CACNA1A: variants seen among roughly 807,000 people sequenced by gnomAD.
The protein encoded by CACNA1A is calcium voltage-gated channel subunit alpha1 A.
Under a neutral mutation model 262.4 loss-of-function variants are expected in CACNA1A, and 57 were observed. The ratio of observed to expected loss-of-function variants is 0.22; its 90% CI spans 0.18 to 0.27. The LOEUF (loss-of-function observed/expected upper bound fraction) is 0.27. Ranked by LOEUF, CACNA1A falls within the 10% of genes least tolerant of loss-of-function variation. CACNA1A has a pLI of 1.00. For missense variants in CACNA1A, 2,526 were observed against 3,562.8 expected, an observed-to-expected ratio of 0.71 and a Z score of 7.41; for synonymous variants, 1,431 against 1,419.3, an observed-to-expected ratio of 1.01 and a Z score of -0.18.
At chr19:13,334,072 T>C (rs2058514728) in intron 8 of CACNA1A, 1 of 302,578 alleles carries the variant, frequency 3.3e-6, no homozygotes, top group Non-Finnish European at 6.2e-6. Flanking sequence ...ATCGCCTCCA[T>C]GTAACAGCTG....
At chr19:13,337,309 C>A (rs940585241) in intron 6 of CACNA1A, among the ~76,000 whole-genome samples, 10 of 152,176 alleles carry the variant, frequency 6.6e-5, no homozygotes, top group Non-Finnish European at 1.3e-4. Flanking sequence ...TGTTTTATGC[C>A]TCTCTCCTAG....
chr19:13,394,581 T>C (rs1452431897), intron 3 of CACNA1A, among the ~76,000 whole-genome samples: 1 of 152,206 alleles, frequency 6.6e-6, no homozygotes, highest in Non-Finnish European at 1.5e-5. Flanking sequence ...GCTTCTTCTC[T>C]TGAACAATTT....
At chr19:13,338,455 C>T (rs59386557) in intron 6 of CACNA1A, among the ~76,000 whole-genome samples, 5,229 of 152,144 alleles carry the variant, frequency 0.034, 291 homozygotes, top group African/African-American at 0.12. Context: ...TGAATAATTA[C>T]ACAACAGAAA....
At chr19:13,403,822 G>A (rs1404440593) in intron 3 of CACNA1A, among the ~76,000 whole-genome samples, 1 of 152,138 alleles carries the variant, frequency 6.6e-6, no homozygotes, top group Non-Finnish European at 1.5e-5. Context: ...GCTGGGCATG[G>A]TGGTATGCAC....
Position 13,241,740 on chromosome 19 carries a change from T to G in CACNA1A, c.4950+3442A>C, listed in dbSNP as rs1210022696. Among the ~76,000 whole-genome samples the G allele has an allele frequency of 6.6e-6, 1 of 152,176 alleles. No homozygotes were observed. The highest frequency in any genetic ancestry group is 6.5e-5 in the Admixed American group (1 of 15,270). On this transcript the variant is annotated intron_variant, in intron 31 of 46. Coordinates refer to ENST00000360228, the MANE Select transcript of CACNA1A (RefSeq NM_001127222.2). The surrounding 1 kb of genome is among the most constrained non-coding windows in gnomAD (Gnocchi z 4.0). Reference sequence around the variant, plus strand: ...CATGTCATGGATGAACAAATGAATTTCATAGTGCATTTTGATTGGATGAGT... The same window carrying G: ...CATGTCATGGATGAACAAATGAATTGCATAGTGCATTTTGATTGGATGAGT...
At chr19:13,224,552 A>G in intron 38 of CACNA1A, 115 bp downstream of exon 38, 1 of 709,174 alleles carries the variant, frequency 1.4e-6, no homozygotes. Context: ...GAATGAATGG[A>G]AGAGTGAATG....
At chr19:13,501,418 C>T (rs1487675620) in intron 1 of CACNA1A, among the ~76,000 whole-genome samples, 6 of 152,082 alleles carry the variant, frequency 3.9e-5, no homozygotes, top group African/African-American at 1.4e-4. Context: ...TCATGATCCA[C>T]CGGCCTCAGC....
chr19:13,225,055 G>T, intron 37 of CACNA1A: 1 of 353,926 alleles, frequency 2.8e-6, no homozygotes, highest in Non-Finnish European at 5.3e-6. Context: ...CTCAACCCTT[G>T]CCCCACCCCC....
chr19:13,422,728 T>C (rs768860585), intron 3 of CACNA1A, among the ~76,000 whole-genome samples: 40 of 152,054 alleles, frequency 2.6e-4, no homozygotes, highest in South Asian at 1.5e-3. Flanking sequence ...GTCACATGGG[T>C]GCTCCATGTC....
At chr19:13,330,029 C>A (rs1049623166) in intron 10 of CACNA1A, among the ~76,000 whole-genome samples, 5 of 152,168 alleles carry the variant, frequency 3.3e-5, no homozygotes, top group African/African-American at 1.2e-4. Flanking sequence ...TCATGGGGAT[C>A]ATTTAGTTGA....
Position 13,328,128 on chromosome 19 carries a change from C to T in CACNA1A, c.1345+2116G>A, listed in dbSNP as rs148409428. 8.1e-3 allele frequency among the ~76,000 whole-genome samples: 1,226 copies of T among 152,194 alleles called. 9 individuals carry two copies. The highest frequency in any genetic ancestry group is 0.031 in the Middle Eastern group (9 of 292). ...TTATGTTGCCCAGGCTGGTCTTGAA[C>T]GGCTGATCTTAGGAGATCCTCCTGC... On this transcript the variant is annotated intron_variant, in intron 10 of 46. Coordinates refer to ENST00000360228, the MANE Select transcript of CACNA1A (RefSeq NM_001127222.2).
intron 38 of CACNA1A, among the ~76,000 whole-genome samples, chr19:13,216,659 CTAT>C (rs1280649374): frequency 2.4e-4 from 1 of 4,226 alleles, no homozygotes; most frequent in African/African-American, 1.7e-3. Context: ...ATCTATCTAT[CTAT>C]CTATCTATCT....
chr19:13,332,676 G>T (rs1025415141), intron 9 of CACNA1A, among the ~76,000 whole-genome samples, 193 bp downstream of exon 9: 3 of 152,112 alleles, frequency 2.0e-5, no homozygotes, highest in Non-Finnish European at 4.4e-5. Flanking sequence ...GAAAAAACCA[G>T]GTCCATGGTT....
chr19:13,483,952 T>A (rs1055552416), intron 1 of CACNA1A, among the ~76,000 whole-genome samples: 4 of 152,180 alleles, frequency 2.6e-5, no homozygotes, highest in African/African-American at 4.8e-5. Context: ...TAATTCCCAT[T>A]TTATAGGCAA....
chr19:13,307,971 C>A (rs2057942434), intron 14 of CACNA1A, 117 bp from the exon 15 acceptor site: 2 of 1,390,120 alleles, frequency 1.4e-6, no homozygotes, highest in Non-Finnish European at 1.0e-6. Context: ...CCCAGGAAAC[C>A]CTGAGTGGTA....
At chr19:13,378,769 G>T (rs1294308363) in intron 3 of CACNA1A, among the ~76,000 whole-genome samples, 1 of 151,634 alleles carries the variant, frequency 6.6e-6, no homozygotes, top group Non-Finnish European at 1.5e-5. Context: ...CCAGGTTCAA[G>T]CAATTCTCGT....
At position 13,409,390 on chromosome 19, in the gene CACNA1A, G is replaced by T. The variant is rs562312465; in HGVS notation, c.540-37611C>A. On this transcript the variant is annotated intron_variant, in intron 3 of 46. Coordinates refer to ENST00000360228, the MANE Select transcript of CACNA1A (RefSeq NM_001127222.2). ...CTTTGACAATCCTGTGTGTGTGTGT[G>T]TGTGTGTTGTGTGTCTGTGTGATGT... Among the ~76,000 whole-genome samples, 8 of 152,216 alleles carry T rather than the reference G, an allele frequency of 5.3e-5. No homozygotes were observed. In the South Asian group the frequency reaches 1.5e-3, roughly 28 times the overall value.
chr19:13,426,638 A>G (rs1403402458), intron 3 of CACNA1A, among the ~76,000 whole-genome samples: 1 of 152,242 alleles, frequency 6.6e-6, no homozygotes, highest in Non-Finnish European at 1.5e-5. Flanking sequence ...GGAATTAAAG[A>G]CATAGTGGGC....
In CACNA1A at chr19:13,207,265, T is replaced by TGTGCGTGGG. The variant is rs758382329; in HGVS notation, c.*39_*47dup. 118 of 1,487,560 alleles carry TGTGCGTGGG rather than the reference T, an allele frequency of 7.9e-5. No homozygotes were observed. Among genetic ancestry groups the TGTGCGTGGG allele is most frequent in the Non-Finnish European group, 9.4e-5 (106 of 1,123,508 alleles). 92.1% of individuals were successfully genotyped at this position (1,487,560 alleles called of 1,614,324 possible). A position where few individuals can be genotyped will look rare whatever the true frequency, so the allele number is the denominator to read the frequency against. On this transcript the variant is annotated 3_prime_UTR_variant, in exon 47 of 47. Transcript: ENST00000360228. This position sits in a 1 kb window ranked among gnomAD's most constrained non-coding sequence, Gnocchi z 5.7. ...TCTGCGCGGCTCCTCGGGTGGGGTG[T>TGTGCGTGGG]GTGCGTGGGGTGCGTGGGGGGCCGG... is the stretch of plus-strand genomic sequence containing the variant.
Sources: gnomAD v4.1 joint callset for allele counts (sites outside exome capture counted in the v4.1 genomes callset) on GRCh38, gnomAD v4.1.1 for gene constraint, Gnocchi (gnomAD v3.1) non-coding constraint, MANE v1.5 for transcripts, NCBI Gene and HGNC (gene_info 2026-07-23, HGNC 2026-07-21) for gene names.